Variants in AFF4 observed in about 807,000 individuals in gnomAD.
The protein encoded by AFF4 is AF4/FMR2 family member 4.
In AFF4, 13 loss-of-function variants were observed where a neutral mutation model predicts 124.8. The observed-to-expected ratio is 0.10, with a 90% CI of 0.07 to 0.17. AFF4 has a LOEUF of 0.17. Among genes scored for constraint, AFF4 ranks in the 10% least tolerant of loss-of-function variants. The probability of loss-of-function intolerance (pLI) is 1.00; values close to 1 mark genes in which losing one functional copy is unlikely to be tolerated. For missense variants in AFF4, 1,092 were observed against 1,403.8 expected, an observed-to-expected ratio of 0.78 and a Z score of 3.55; for synonymous variants, 477 against 496.1, an observed-to-expected ratio of 0.96 and a Z score of 0.51.
chr5:132,897,239 G>A lies in AFF4; in HGVS notation c.1391C>T (p.Pro464Leu). The A allele has an allele frequency of 1.2e-6, 2 of 1,610,652 alleles. No individual in the cohort carries two copies. The highest frequency in any genetic ancestry group is 1.7e-6 in the Non-Finnish European group (2 of 1,177,820). ...NEPSQSASPE[P>L]EPPPTNKWQL... ...CCATTTGTTTGTTGGCGGGGGTTCAGGCTGAAAAACAGAGAAATATGTATG... is the reference window on the plus strand; with the variant it reads ...CCATTTGTTTGTTGGCGGGGGTTCAAGCTGAAAAACAGAGAAATATGTATG... The change falls in exon 11 of 21, where the codon CCT (proline) becomes CTT (leucine). Residue 464 changes from proline to leucine, a missense_variant and splice_region_variant. Transcript: ENST00000265343.
intron 12 of AFF4, 122 bp from the exon 13 acceptor site, chr5:132,892,526 C>A: frequency 7.4e-7 from 1 of 1,354,706 alleles, no homozygotes; most frequent in South Asian, 1.4e-5. Flanking sequence ...TACTAGGACA[C>A]ATGATTTCTA....
Position 132,887,528 on chromosome 5 carries a change from CTG to C in AFF4, c.2996_2997del (p.Thr999SerfsTer38). The C allele has an allele frequency of 6.2e-7, 1 of 1,613,600 alleles. No individual in the cohort carries two copies. Among genetic ancestry groups the C allele is most frequent in the Non-Finnish European group, 8.5e-7 (1 of 1,179,542 alleles). ...AGAACACAGAAAACTCACCAAAGTA[CTG>C]TGAGTCGTTTATCTGCAGCTGTAGC... is the stretch of plus-strand genomic sequence containing the variant. Reference protein sequence around the residue: ...PDATAADKRLTVLCLRCESLL... With the variant: ...PDATAADKRLXVLCLRCESLL... On this transcript the variant is annotated frameshift_variant, in exon 17 of 21. Transcript: ENST00000265343. LOFTEE classifies it high-confidence loss of function.
chr5:132,889,697 A>T (rs1451468166), intron 13 of AFF4, among the ~76,000 whole-genome samples: 1 of 152,260 alleles, frequency 6.6e-6, no homozygotes, highest in Non-Finnish European at 1.5e-5. Flanking sequence ...AAGTTCAAAC[A>T]GGTTTTAAAT....
intron 5 of AFF4, among the ~76,000 whole-genome samples, chr5:132,914,368 T>A (rs2150084357): frequency 6.6e-6 from 1 of 151,626 alleles, no homozygotes; most frequent in Middle Eastern, 3.5e-3. Flanking sequence ...TTTGGGAGGC[T>A]GAGGCGGGCA....
intron 1 of AFF4, among the ~76,000 whole-genome samples, chr5:132,940,697 T>C (rs905363405): frequency 6.6e-6 from 1 of 152,112 alleles, no homozygotes; most frequent in South Asian, 2.1e-4. Flanking sequence ...TGAACACTTA[T>C]AAGGCTACCA....
chr5:132,901,461 G>T (rs1375645505), intron 7 of AFF4, among the ~76,000 whole-genome samples: 1 of 152,202 alleles, frequency 6.6e-6, no homozygotes. Context: ...AGTATAGTCT[G>T]TGACTATGGC....
At chr5:132,957,308 C>G (rs1761986510) in intron 1 of AFF4, among the ~76,000 whole-genome samples, 1 of 151,730 alleles carries the variant, frequency 6.6e-6, no homozygotes, top group Non-Finnish European at 1.5e-5. Context: ...CCCATGCACT[C>G]CAGCCTGGGT....
intron 2 of AFF4, among the ~76,000 whole-genome samples, chr5:132,936,550 T>C (rs904129923): frequency 1.3e-5 from 2 of 152,158 alleles, no homozygotes; most frequent in Non-Finnish European, 2.9e-5. Context: ...AACAAAAGCA[T>C]CTATGAAATA....
At position 132,880,040 on chromosome 5, in the gene AFF4, C is replaced by G; in HGVS notation, c.*1019G>C. On this transcript the variant is annotated 3_prime_UTR_variant, in exon 21 of 21. Coordinates refer to ENST00000265343, the MANE Select transcript of AFF4 (RefSeq NM_014423.4). ...TCATTGCATGCTCATATCAGAGCATCACAATCCAGTATGAGGGGGAAAAAT... is the reference window on the plus strand; with the variant it reads ...TCATTGCATGCTCATATCAGAGCATGACAATCCAGTATGAGGGGGAAAAAT... 1 of 393,920 alleles carries G rather than the reference C, an allele frequency of 2.5e-6. No individual in the cohort carries two copies. The highest frequency in any genetic ancestry group is 4.5e-6 in the Non-Finnish European group (1 of 223,470). 24.4% of individuals were successfully genotyped at this position (393,920 alleles called of 1,614,324 possible). A position where few individuals can be genotyped will look rare whatever the true frequency, so the allele number is the denominator to read the frequency against.
At chr5:132,961,129 G>A (rs908734897) in intron 1 of AFF4, among the ~76,000 whole-genome samples, 4 of 152,124 alleles carry the variant, frequency 2.6e-5, no homozygotes, top group Admixed American at 2.6e-4. Context: ...GGAGGCTGAG[G>A]CAGGAGAATC....
chr5:132,880,023 T>C lies in AFF4; in HGVS notation c.*1036A>G, dbSNP rs1759933753. On this transcript the variant is annotated 3_prime_UTR_variant, in exon 21 of 21. Coordinates refer to ENST00000265343, the MANE Select transcript of AFF4 (RefSeq NM_014423.4). ...GCCTATTTCTGTATCAGTCATTGCA[T>C]GCTCATATCAGAGCATCACAATCCA... The C allele has an allele frequency of 2.6e-6, 1 of 392,070 alleles. No individual in the cohort carries two copies. The highest frequency in any genetic ancestry group is 4.5e-6 in the Non-Finnish European group (1 of 222,250). The allele number at this position is 392,070 out of a possible 1,614,324, so 24.3% of individuals were successfully genotyped here.
chr5:132,914,228 A>T (rs953807264), intron 5 of AFF4, among the ~76,000 whole-genome samples: 2 of 151,270 alleles, frequency 1.3e-5, no homozygotes, highest in African/African-American at 4.9e-5. Flanking sequence ...ACTCCATCTA[A>T]AAATAAATAA....
Position 132,931,106 on chromosome 5 carries a change from C to CAAA in AFF4, c.963+1069_963+1071dup, listed in dbSNP as rs35923089. On this transcript the variant is annotated intron_variant, in intron 4 of 20. Coordinates refer to ENST00000265343, the MANE Select transcript of AFF4 (RefSeq NM_014423.4). ...TGGGTGACAGAGTAAAACTCTGGCT[C>CAAA]AAAAAAAAAAAAAAAAATGTGTAAA... 7.2e-5 allele frequency among the ~76,000 whole-genome samples: 7 copies of CAAA among 96,830 alleles called. 1 individual carries two copies. The highest frequency in any genetic ancestry group is 6.3e-4 in the East Asian group (2 of 3,154). 63.5% of individuals were successfully genotyped at this position (96,830 alleles called of 152,430 possible).
chr5:132,956,944 T>C (rs949084267), intron 1 of AFF4, among the ~76,000 whole-genome samples: 2 of 127,808 alleles, frequency 1.6e-5, no homozygotes, highest in African/African-American at 6.0e-5. Context: ...CAGTTGAACC[T>C]GGGAGGTGAA....
chr5:132,917,719 T>TTC lies in AFF4; in HGVS notation c.1050+9401_1050+9402insGA, dbSNP rs1324528090. Among the ~76,000 whole-genome samples, 8 of 138,696 alleles carry TTC rather than the reference T, an allele frequency of 5.8e-5. No homozygotes were observed. The South Asian group carries it at 1.2e-3, about 21-fold the overall frequency. The allele number at this position is 138,696 out of a possible 152,430, so 91.0% of individuals were successfully genotyped here. ...TCTTTTCTTTTCTTTTTTTTTTTTT[T>TTC]TTTTTTTTTTTGAGACAGAGACTCA... On this transcript the variant is annotated intron_variant, in intron 5 of 20. Transcript: ENST00000265343.
Position 132,877,416 on chromosome 5 carries a change from CAAGA to C in AFF4, c.*3639_*3642del. 2 of 217,278 alleles carry C rather than the reference CAAGA, an allele frequency of 9.2e-6. No individual in the cohort carries two copies. The highest frequency in any genetic ancestry group is 6.9e-5 in the East Asian group (1 of 14,494). 13.5% of individuals were successfully genotyped at this position (217,278 alleles called of 1,614,324 possible). A position where few individuals can be genotyped will look rare whatever the true frequency, so the allele number is the denominator to read the frequency against. On this transcript the variant is annotated 3_prime_UTR_variant, in exon 21 of 21. Transcript: ENST00000265343. ...TGAACATTAATATTCAAGGTGTCAA[CAAGA>C]AAGTGTCTTAGATCAATTTAATAAA... is the stretch of plus-strand genomic sequence containing the variant.
At chr5:132,920,703 C>G (rs923499589) in intron 5 of AFF4, among the ~76,000 whole-genome samples, 1 of 152,042 alleles carries the variant, frequency 6.6e-6, no homozygotes, top group Non-Finnish European at 1.5e-5. Flanking sequence ...AAAGAAAACA[C>G]TGAAGAAGTG....
At position 132,908,038 on chromosome 5, in the gene AFF4, G is replaced by C. The variant is rs574893759; in HGVS notation, c.1051-3634C>G. Among the ~76,000 whole-genome samples the C allele has an allele frequency of 4.6e-5, 7 of 151,942 alleles. No homozygotes were observed. In the East Asian group the frequency reaches 1.4e-3, roughly 29 times the overall value. ...AGAACAGTTTTAAGAAAGCTAGAAT[G>C]GAGTTAAGGATACAAAATGAGGTTA... On this transcript the variant is annotated intron_variant, in intron 5 of 20. Transcript: ENST00000265343.
intron 20 of AFF4, among the ~76,000 whole-genome samples, chr5:132,882,712 G>A (rs766679185): frequency 2.0e-5 from 3 of 151,792 alleles, no homozygotes; most frequent in South Asian, 2.1e-4. Context: ...AAAATTAGCC[G>A]GGCATGGTGG....
Sources: allele counts gnomAD v4.1 joint callset (sites outside exome capture counted in the v4.1 genomes callset), GRCh38; gene constraint gnomAD v4.1.1; transcripts MANE v1.5; gene names NCBI Gene and HGNC (gene_info 2026-07-23, HGNC 2026-07-21).